Variants in CCDC150 observed in about 807,000 individuals in gnomAD.
CCDC150 encodes the protein coiled-coil domain containing 150.
A neutral mutation model predicts 156.5 loss-of-function variants in CCDC150; 151 were observed. That is an observed-to-expected ratio of 0.97 (90% CI 0.85 to 1.10). The LOEUF is 1.10. CCDC150 is among the 50% of genes least tolerant of loss of function. The pLI is 0.00. For missense variants in CCDC150, 1,312 were observed against 1,268.1 expected (o/e 1.03, Z -0.53); for synonymous variants, 452 against 429.4 (o/e 1.05, Z -0.65).
chr2:196,730,754 T>G, intron 25 of CCDC150, 105 bp from the exon 26 acceptor site: 4 of 811,098 alleles, frequency 4.9e-6, no homozygotes, highest in Non-Finnish European at 7.9e-6. Context: ...TAGAAGGCAC[T>G]CCATCCTATT....
At chr2:196,685,478 G>T (rs978158914) in intron 13 of CCDC150, among the ~76,000 whole-genome samples, 1 of 152,090 alleles carries the variant, frequency 6.6e-6, no homozygotes, top group African/African-American at 2.4e-5. Context: ...TCAAGAGTGT[G>T]TTTAAACTAG....
chr2:196,703,975 G>GCTGC (rs1272603616), intron 15 of CCDC150, among the ~76,000 whole-genome samples: 2 of 152,134 alleles, frequency 1.3e-5, no homozygotes, highest in Non-Finnish European at 2.9e-5. Context: ...CAGGTCTTGG[G>GCTGC]CTGCCACATT....
intron 9 of CCDC150, among the ~76,000 whole-genome samples, chr2:196,673,984 CAGA>C (rs758000830): frequency 5.3e-5 from 8 of 151,988 alleles, no homozygotes; most frequent in Non-Finnish European, 7.4e-5. Flanking sequence ...TTGTGAAGAA[CAGA>C]AGATCAGTAA....
Position 196,712,267 on chromosome 2 carries a change from T to G in CCDC150, c.1803+15T>G. On this transcript the variant is annotated intron_variant, in intron 16 of 27. Transcript: ENST00000389175. The stretch of plus-strand genomic sequence containing the variant: ...AATATGCTCAGGTGTGATTAATATC[T>G]ACAAAAGCGGATTGCTGCTATATTT... The G allele has an allele frequency of 7.4e-7, 1 of 1,347,106 alleles. No individual in the cohort carries two copies. The highest frequency in any genetic ancestry group is 1.0e-6 in the Non-Finnish European group (1 of 980,264). The allele number at this position is 1,347,106 out of a possible 1,614,324, so 83.4% of individuals were successfully genotyped here. A position where few individuals can be genotyped will look rare whatever the true frequency, so the allele number is the denominator to read the frequency against.
At chr2:196,682,402 T>G (rs1694890219) in intron 13 of CCDC150, among the ~76,000 whole-genome samples, 1 of 128,092 alleles carries the variant, frequency 7.8e-6, no homozygotes, top group Non-Finnish European at 1.5e-5. Context: ...ATCTTCCAAC[T>G]TTTTTTTTTG....
At chr2:196,686,292 G>C (rs1481844608) in intron 13 of CCDC150, 1 of 183,206 alleles carries the variant, frequency 5.5e-6, no homozygotes, top group Non-Finnish European at 1.2e-5. Context: ...ACCCACAGCT[G>C]GGCAAGTTCA....
rs751821946 is a variant in CCDC150 at position 196,657,101 on chromosome 2, T to C, written c.541T>C (p.Leu181=). Residue 181 remains leucine, a synonymous_variant, in exon 4 of 28, where the codon TTG becomes CTG. Transcript: ENST00000389175. ...CAAGGCACAAGATGAGGTGCAAAGG[T>C]TGACTGCCACTCTGAAGATTGCCTC... ...EDKAQDEVQR[L]TATLKIASQT... 11 of 1,613,670 alleles carry C rather than the reference T, an allele frequency of 6.8e-6. No individual in the cohort carries two copies. The African/African-American group carries it at 1.5e-4, about 22-fold the overall frequency.
chr2:196,718,662 C>A (rs1318183071), intron 18 of CCDC150, 31 bp downstream of exon 18: 6 of 1,606,402 alleles, frequency 3.7e-6, no homozygotes, highest in African/African-American at 2.7e-5. Context: ...GACCGTCTGT[C>A]ACTGAGAAGA....
chr2:196,699,517 A>G (rs974999761), intron 14 of CCDC150, among the ~76,000 whole-genome samples: 1 of 119,698 alleles, frequency 8.4e-6, no homozygotes, highest in Non-Finnish European at 1.7e-5. Flanking sequence ...GCTCTAGACT[A>G]CTGTGCCTTT....
intron 13 of CCDC150, among the ~76,000 whole-genome samples, chr2:196,684,846 G>C (rs13422565): frequency 4.0e-5 from 6 of 151,806 alleles, no homozygotes; most frequent in African/African-American, 1.5e-4. Context: ...TCTAATATTA[G>C]TACAATCATT....
chr2:196,690,595 A>T (rs1695400470), intron 13 of CCDC150, among the ~76,000 whole-genome samples: 1 of 151,974 alleles, frequency 6.6e-6, no homozygotes. Flanking sequence ...GGAATAAATC[A>T]TATCCATAGT....
intron 20 of CCDC150, 74 bp from the exon 21 acceptor site, chr2:196,721,448 G>C: frequency 8.8e-7 from 1 of 1,133,662 alleles, no homozygotes; most frequent in Non-Finnish European, 1.2e-6. Context: ...AATGTGAGGA[G>C]TGATTACACA....
At chr2:196,694,529 T>G (rs1223023777) in intron 13 of CCDC150, among the ~76,000 whole-genome samples, 2 of 151,810 alleles carry the variant, frequency 1.3e-5, no homozygotes, top group Non-Finnish European at 2.9e-5. Flanking sequence ...TTAGAAAAAA[T>G]GTTAGACCCA....
intron 13 of CCDC150, among the ~76,000 whole-genome samples, chr2:196,683,340 C>CT (rs1466649586): frequency 6.6e-6 from 1 of 152,014 alleles, no homozygotes; most frequent in Non-Finnish European, 1.5e-5. Context: ...AAATGGAAAA[C>CT]TAAGCTTGCA....
chr2:196,642,574 C>T (rs1692292267), intron 1 of CCDC150, among the ~76,000 whole-genome samples: 1 of 152,184 alleles, frequency 6.6e-6, no homozygotes, highest in Non-Finnish European at 1.5e-5. Flanking sequence ...TGCCTGGTGG[C>T]TTTAAGGCTG....
intron 6 of CCDC150, 44 bp downstream of exon 6, chr2:196,665,727 A>C: frequency 8.7e-7 from 1 of 1,149,354 alleles, no homozygotes; most frequent in African/African-American, 1.6e-5. Context: ...AAATGAAACC[A>C]AACAAAAACT....
intron 15 of CCDC150, among the ~76,000 whole-genome samples, chr2:196,701,443 A>G (rs1244565977): frequency 1.3e-5 from 2 of 152,204 alleles, no homozygotes; most frequent in Non-Finnish European, 2.9e-5. Context: ...ATGGTCATTC[A>G]CTGAGAATGT....
At chr2:196,693,707 C>T (rs1695629849) in intron 13 of CCDC150, among the ~76,000 whole-genome samples, 1 of 152,072 alleles carries the variant, frequency 6.6e-6, no homozygotes, top group Non-Finnish European at 1.5e-5. Flanking sequence ...AAGTGGATAC[C>T]TTTGCCTTTT....
chr2:196,656,746 G>T lies in CCDC150; in HGVS notation c.290G>T (p.Cys97Phe), dbSNP rs772370932. ...AAAACAGATATTTTATGGAAGAACT[G>T]TGAGTTTCTGGTAAATCGAATGTGC... ...AGKTDILWKN[C>F]EFLVNRMCRL... Residue 97 changes from cysteine (C) to phenylalanine (F), a missense_variant, in exon 3 of 28, where the codon TGT (cysteine) becomes TTT (phenylalanine). Cys to Phe is a radical substitution (Grantham distance 205). Transcript: ENST00000389175. The T allele has an allele frequency of 4.3e-5, 67 of 1,571,508 alleles. No individual in the cohort carries two copies. The highest frequency in any genetic ancestry group is 5.8e-5 in the Non-Finnish European group (66 of 1,144,424).
Sources: gnomAD v4.1 joint callset for allele counts (sites outside exome capture counted in the v4.1 genomes callset) on GRCh38, gnomAD v4.1.1 for gene constraint, MANE v1.5 for transcripts, NCBI Gene and HGNC (gene_info 2026-07-23, HGNC 2026-07-21) for gene names.